Variants in SLC24A2 observed in about 807,000 individuals in gnomAD.
The protein encoded by SLC24A2 is solute carrier family 24 member 2.
Under a neutral mutation model 62.0 loss-of-function variants are expected in SLC24A2, and 36 were observed. That is an observed-to-expected ratio of 0.58 (90% CI 0.44 to 0.77). SLC24A2 has a LOEUF of 0.77. SLC24A2 is among the 30% of genes least tolerant of loss of function. The pLI is 0.00. For missense variants in SLC24A2, 846 were observed against 817.9 expected (o/e 1.03, Z -0.42); for synonymous variants, 358 against 294.0 (o/e 1.22, Z -2.23).
At chr9:19,651,917 A>T (rs749536441) in intron 2 of SLC24A2, among the ~76,000 whole-genome samples, 1 of 152,102 alleles carries the variant, frequency 6.6e-6, no homozygotes, top group Non-Finnish European at 1.5e-5. Flanking sequence ...TCATTCATCG[A>T]CCACACGGGT....
rs185549308 is a variant in SLC24A2, at chr9:19,712,753, A to G, written c.930+73184T>C. 4.9e-3 allele frequency among the ~76,000 whole-genome samples: 751 copies of G among 152,156 alleles called. 5 individuals are homozygous for G. The highest frequency in any genetic ancestry group is 0.017 in the African/African-American group (708 of 41,502). On this transcript the variant is annotated intron_variant, in intron 2 of 10. Transcript: ENST00000341998. The stretch of plus-strand genomic sequence containing the variant: ...TTATCCTGGAATGCTCTTTCTCTGG[A>G]TCAGGGTTTCTTAACTTCAGTGCTA...
the SLC24A2 span, among the ~76,000 whole-genome samples, chr9:19,921,518 T>TAA: frequency 0.057 from 7,020 of 123,072 alleles, 295 homozygotes; most frequent in East Asian, 0.19. Flanking sequence ...AGACTCCGTG[T>TAA]AAAAAAAAAA....
the SLC24A2 span, among the ~76,000 whole-genome samples, chr9:19,883,970 C>A: frequency 6.6e-6 from 1 of 152,164 alleles, no homozygotes; most frequent in Non-Finnish European, 1.5e-5. Context: ...CATCTCAGGT[C>A]TCAGTCTTTG....
chr9:20,176,817 T>C, the SLC24A2 span, among the ~76,000 whole-genome samples: 1 of 152,112 alleles, frequency 6.6e-6, no homozygotes, highest in Non-Finnish European at 1.5e-5. Context: ...AGTTGAAAAA[T>C]CTGCAAATAA....
chr9:20,269,433 C>G, the SLC24A2 span, among the ~76,000 whole-genome samples: 1 of 152,172 alleles, frequency 6.6e-6, no homozygotes, highest in Non-Finnish European at 1.5e-5. Context: ...CATGACTCTC[C>G]TGAACTTCCT....
chr9:19,636,338 T>TC (rs1564009882), intron 2 of SLC24A2, among the ~76,000 whole-genome samples: 2 of 33,544 alleles, frequency 6.0e-5, no homozygotes, highest in African/African-American at 3.0e-4. Context: ...TTTCTTTCTT[T>TC]CTTTCTTTCT....
the SLC24A2 span, among the ~76,000 whole-genome samples, chr9:20,205,492 CA>C: frequency 2.0e-5 from 3 of 149,676 alleles, no homozygotes; most frequent in South Asian, 2.1e-4. Flanking sequence ...ACTAAAAATA[CA>C]AAAAAAAATT....
the SLC24A2 span, among the ~76,000 whole-genome samples, chr9:20,161,720 TATTTA>T: frequency 6.2e-4 from 93 of 151,088 alleles, no homozygotes; most frequent in African/African-American, 2.2e-3. Flanking sequence ...TCAGTTTGGA[TATTTA>T]ATTTGATTTA....
the SLC24A2 span, among the ~76,000 whole-genome samples, chr9:19,851,323 C>T: frequency 6.6e-6 from 1 of 151,584 alleles, no homozygotes; most frequent in African/African-American, 2.4e-5. Flanking sequence ...CTGCGCCTGG[C>T]CCAGCATATA....
the SLC24A2 span, among the ~76,000 whole-genome samples, chr9:20,214,519 G>T: frequency 2.0e-5 from 3 of 152,000 alleles, no homozygotes; most frequent in Admixed American, 6.6e-5. Context: ...GGAGGCTGAG[G>T]CAGGAGAATG....
intron 2 of SLC24A2, among the ~76,000 whole-genome samples, chr9:19,668,600 T>A (rs779073137): frequency 1.3e-5 from 2 of 152,100 alleles, no homozygotes; most frequent in Non-Finnish European, 2.9e-5. Flanking sequence ...AGTGGCGCCA[T>A]CCATCATTGC....
chr9:19,632,820 G>A lies in SLC24A2; in HGVS notation c.931-10521C>T, dbSNP rs1300344846. ...CTCATTCAGATTTCACCAGTTATAT[G>A]TGCACCTATTTGTGTTTGTGCATAG... On this transcript the variant is annotated intron_variant, in intron 2 of 10. Coordinates refer to ENST00000341998, the MANE Select transcript of SLC24A2 (RefSeq NM_020344.4). This position sits in a 1 kb window ranked among gnomAD's most constrained non-coding sequence, Gnocchi z 4.5. Among the ~76,000 whole-genome samples, 4 of 152,116 alleles carry A rather than the reference G, an allele frequency of 2.6e-5. No individual in the cohort carries two copies. Among genetic ancestry groups the A allele is most frequent in the Non-Finnish European group, 4.4e-5 (3 of 68,032 alleles).
the SLC24A2 span, among the ~76,000 whole-genome samples, chr9:20,053,746 C>T: frequency 6.6e-6 from 1 of 152,184 alleles, no homozygotes; most frequent in African/African-American, 2.4e-5. Flanking sequence ...CACCAAATAA[C>T]AAATCTGCCA....
intron 2 of SLC24A2, among the ~76,000 whole-genome samples, chr9:19,699,742 C>A (rs1027770877): frequency 1.3e-5 from 2 of 152,052 alleles, no homozygotes; most frequent in Non-Finnish European, 2.9e-5. Flanking sequence ...TTTTATTTTT[C>A]TCCTTTGTAT....
chr9:19,621,310 C>T (rs1388173856), intron 3 of SLC24A2, among the ~76,000 whole-genome samples: 1 of 152,084 alleles, frequency 6.6e-6, no homozygotes, highest in African/African-American at 2.4e-5. Flanking sequence ...GATTATGGCT[C>T]CTTAATAGAA....
At chr9:20,189,092 T>C in the SLC24A2 span, among the ~76,000 whole-genome samples, 16,133 of 142,756 alleles carry the variant, frequency 0.11, 1,939 homozygotes, top group East Asian at 0.61. Flanking sequence ...TTTTTTTTTT[T>C]CCCAGTTGAT....
At chr9:20,231,091 A>G in the SLC24A2 span, among the ~76,000 whole-genome samples, 1 of 152,084 alleles carries the variant, frequency 6.6e-6, no homozygotes, top group Non-Finnish European at 1.5e-5. Context: ...CCATTGGTCT[A>G]TATCTCTGTT....
the SLC24A2 span, among the ~76,000 whole-genome samples, chr9:20,151,576 G>C: frequency 4.0e-5 from 6 of 151,780 alleles, no homozygotes; most frequent in Non-Finnish European, 1.5e-5. Flanking sequence ...AGGAGAAAAG[G>C]CATGCATCAC....
At chr9:20,215,784 T>C in the SLC24A2 span, among the ~76,000 whole-genome samples, 1 of 152,208 alleles carries the variant, frequency 6.6e-6, no homozygotes, top group African/African-American at 2.4e-5. Flanking sequence ...GAACCCATGA[T>C]GCAGGCTGGG....
Sources: gnomAD v4.1 joint callset for allele counts (sites outside exome capture counted in the v4.1 genomes callset) on GRCh38, gnomAD v4.1.1 for gene constraint, Gnocchi (gnomAD v3.1) non-coding constraint, MANE v1.5 for transcripts, NCBI Gene and HGNC (gene_info 2026-07-23, HGNC 2026-07-21) for gene names.